The following NCAM1 variants were observed in gnomAD, a reference collection of about 807,000 sequenced individuals.
The protein encoded by NCAM1 is neural cell adhesion molecule 1.
Under a neutral mutation model 109.8 loss-of-function variants are expected in NCAM1, and 14 were observed. The observed-to-expected ratio is 0.13, with a 90% CI of 0.08 to 0.20. The LOEUF is 0.20. NCAM1 is among the 10% of genes least tolerant of loss of function. NCAM1 has a pLI of 1.00. For missense variants in NCAM1, 774 were observed against 1,109.9 expected (o/e 0.70, Z 4.30); for synonymous variants, 418 against 442.9 (o/e 0.94, Z 0.70).
chr11:113,031,611 G>C (rs1952719317), intron 1 of NCAM1, among the ~76,000 whole-genome samples: 1 of 151,974 alleles, frequency 6.6e-6, no homozygotes, highest in South Asian at 2.1e-4. Context: ...AGAATTGCTT[G>C]AACCCAGGAG....
chr11:113,027,782 C>A (rs1238595191), intron 1 of NCAM1, among the ~76,000 whole-genome samples: 1 of 152,148 alleles, frequency 6.6e-6, no homozygotes, highest in African/African-American at 2.4e-5. Flanking sequence ...GAAGGAGTTT[C>A]TTTAATAAGA....
chr11:113,261,711 GTC>G (rs1946005238), intron 17 of NCAM1, among the ~76,000 whole-genome samples: 1 of 152,178 alleles, frequency 6.6e-6, no homozygotes, highest in South Asian at 2.1e-4. Context: ...GTCCAGATCT[GTC>G]TGGCCTTCAT....
intron 1 of NCAM1, among the ~76,000 whole-genome samples, chr11:113,087,163 A>T (rs1180353842): frequency 6.6e-6 from 1 of 152,240 alleles, no homozygotes; most frequent in Non-Finnish European, 1.5e-5. Flanking sequence ...TTGCAAACAG[A>T]TAAACTAAAT....
chr11:113,005,435 C>A (rs1555073152), intron 1 of NCAM1, among the ~76,000 whole-genome samples: 1 of 152,168 alleles, frequency 6.6e-6, no homozygotes, highest in East Asian at 1.9e-4. Context: ...TGGAAAAGAT[C>A]TTCCAGTCTT....
At chr11:113,003,963 A>G (rs1555072868) in intron 1 of NCAM1, 3 of 152,226 alleles carry the variant, frequency 2.0e-5, no homozygotes, top group Non-Finnish European at 4.4e-5. Flanking sequence ...GGTTTCACTT[A>G]CGAATTTTAA....
chr11:113,146,002 T>C (rs979714975), intron 1 of NCAM1, among the ~76,000 whole-genome samples: 19 of 152,186 alleles, frequency 1.2e-4, no homozygotes, highest in African/African-American at 2.4e-5. Flanking sequence ...GGCTTAACGA[T>C]GCCATAAAGG....
chr11:113,245,090 G>GT (rs113910402), intron 14 of NCAM1, among the ~76,000 whole-genome samples: 2,339 of 144,524 alleles, frequency 0.016, 29 homozygotes, highest in Non-Finnish European at 0.021. Flanking sequence ...TAAGAAAAGT[G>GT]TTTTTTTTTT....
At chr11:113,028,503 AT>A in intron 1 of NCAM1, among the ~76,000 whole-genome samples, 1 of 150,856 alleles carries the variant, frequency 6.6e-6, no homozygotes, top group South Asian at 2.1e-4. Context: ...ACTAAACCAA[AT>A]CTATGAATTA....
intron 1 of NCAM1, among the ~76,000 whole-genome samples, chr11:113,006,961 A>C (rs1425871774): frequency 6.6e-6 from 1 of 152,204 alleles, no homozygotes; most frequent in Non-Finnish European, 1.5e-5. Context: ...AAAAAGACCC[A>C]AAACAAATTA....
At chr11:113,132,409 C>T (rs1555098484) in intron 1 of NCAM1, among the ~76,000 whole-genome samples, 1 of 152,144 alleles carries the variant, frequency 6.6e-6, no homozygotes. Flanking sequence ...TCTGTTCAGT[C>T]CTGCCTCAGC....
chr11:113,095,946 T>C (rs923376464), intron 1 of NCAM1, among the ~76,000 whole-genome samples: 1 of 152,174 alleles, frequency 6.6e-6, no homozygotes. Flanking sequence ...TAAAATGACG[T>C]AAATGGAATA....
chr11:113,088,622 C>G (rs1454293597), intron 1 of NCAM1, among the ~76,000 whole-genome samples: 1 of 152,164 alleles, frequency 6.6e-6, no homozygotes, highest in Non-Finnish European at 1.5e-5. Context: ...CTTTATGGGC[C>G]TGTCTTCTGA....
chr11:113,222,705 A>C (rs1369371249), intron 9 of NCAM1, among the ~76,000 whole-genome samples: 1 of 152,172 alleles, frequency 6.6e-6, no homozygotes, highest in Non-Finnish European at 1.5e-5. Context: ...ATTCTCATTT[A>C]GAGCTGGTTG....
chr11:113,191,187 G>A (rs987457083), intron 1 of NCAM1, among the ~76,000 whole-genome samples: 2 of 152,186 alleles, frequency 1.3e-5, no homozygotes, highest in African/African-American at 2.4e-5. Context: ...AGACAGAAGG[G>A]AAGGGCTGCA....
chr11:113,049,895 T>C lies in NCAM1; in HGVS notation c.52+88231T>C, dbSNP rs139880032. On this transcript the variant is annotated intron_variant, in intron 1 of 19. Coordinates refer to ENST00000316851, the MANE Select transcript of NCAM1 (RefSeq NM_181351.5). ...GAAGCAGGTGTGAGAGAAAGCTTGA[T>C]TGAGTTAGTTGTCTTAAAGGGACAC... Among the ~76,000 whole-genome samples, 19 of 152,160 alleles carry C rather than the reference T, an allele frequency of 1.2e-4. No individual in the cohort carries two copies. In the South Asian group the frequency reaches 1.7e-3, roughly 13 times the overall value.
intron 1 of NCAM1, among the ~76,000 whole-genome samples, chr11:113,063,190 T>C (rs1937761045): frequency 6.6e-6 from 1 of 152,184 alleles, no homozygotes; most frequent in Admixed American, 6.5e-5. Flanking sequence ...AGAGGAGGAT[T>C]ATGAGTAAAC....
At chr11:113,222,108 A>T (rs1182303859) in intron 9 of NCAM1, among the ~76,000 whole-genome samples, 1 of 152,218 alleles carries the variant, frequency 6.6e-6, no homozygotes, top group African/African-American at 2.4e-5. Flanking sequence ...ATATGAAGTA[A>T]CATATAGTGA....
At position 113,256,017 on chromosome 11, in the gene NCAM1, C is replaced by A; in HGVS notation, c.1953+16C>A. 1 of 1,590,340 alleles carries A rather than the reference C, an allele frequency of 6.3e-7. No individual in the cohort carries two copies. The highest frequency in any genetic ancestry group is 1.1e-5 in the South Asian group (1 of 87,056). On this transcript the variant is annotated intron_variant, in intron 16 of 19. Transcript: ENST00000316851. The stretch of plus-strand genomic sequence containing the variant: ...GTACCGAGCGGTGAGTGGCCTCCTT[C>A]TCAGACTTCACCAGAACCCTGCAAC...
chr11:113,080,363 A>G (rs1211946495), intron 1 of NCAM1, among the ~76,000 whole-genome samples: 3 of 152,252 alleles, frequency 2.0e-5, no homozygotes, highest in Non-Finnish European at 4.4e-5. Context: ...TAGGTTCGCA[A>G]AGTAAAAATC....
Sources: allele counts gnomAD v4.1 joint callset (sites outside exome capture counted in the v4.1 genomes callset), GRCh38; gene constraint gnomAD v4.1.1; transcripts MANE v1.5; gene names NCBI Gene and HGNC (gene_info 2026-07-23, HGNC 2026-07-21).